FAM227B: variants seen among roughly 807,000 people sequenced by gnomAD.
FAM227B encodes the protein family with sequence similarity 227 member B.
Under a neutral mutation model 73.8 loss-of-function variants are expected in FAM227B, and 88 were observed. The ratio of observed to expected loss-of-function variants is 1.19; its 90% CI spans 1.00 to 1.42. The LOEUF (loss-of-function observed/expected upper bound fraction) is 1.42, where lower values mean the gene tolerates loss of function less well. Ranked by LOEUF, FAM227B falls within the 40% of genes most tolerant of loss-of-function variation. The pLI, the probability that FAM227B is intolerant of heterozygous loss-of-function variation, is 0.00. For synonymous variants in FAM227B, 210 were observed against 190.5 expected (o/e 1.10, Z -0.84); for missense variants, 632 against 590.9 (o/e 1.07, Z -0.72).
chr15:49,597,682 G>C (rs775767637), intron 3 of FAM227B, among the ~76,000 whole-genome samples: 6 of 151,886 alleles, frequency 4.0e-5, no homozygotes, highest in Admixed American at 1.3e-4. Flanking sequence ...CAAAAAGCTT[G>C]TTAAATTATT....
intron 11 of FAM227B, among the ~76,000 whole-genome samples, chr15:49,480,384 T>G (rs1366747805): frequency 2.6e-5 from 4 of 152,002 alleles, no homozygotes; most frequent in Admixed American, 6.6e-5. Context: ...CTCGGCTCAT[T>G]GCAACCTCTG....
intron 14 of FAM227B, among the ~76,000 whole-genome samples, chr15:49,333,095 A>G (rs1235697138): frequency 1.3e-5 from 2 of 152,096 alleles, no homozygotes. Flanking sequence ...ACTAAGTTAA[A>G]ATCACTCCCT....
chr15:49,577,761 T>C (rs760465406), intron 5 of FAM227B, 97 bp from the exon 6 acceptor site: 3 of 653,734 alleles, frequency 4.6e-6, no homozygotes, highest in Non-Finnish European at 7.8e-6. Flanking sequence ...TAGATAACTA[T>C]AGATATATGT....
At chr15:49,361,211 A>C (rs879755043) in intron 13 of FAM227B, among the ~76,000 whole-genome samples, 4 of 152,204 alleles carry the variant, frequency 2.6e-5, no homozygotes, top group Non-Finnish European at 5.9e-5. Context: ...AATTAATTTA[A>C]AAAACTTAAA....
chr15:49,489,435 C>T (rs1431736212), intron 11 of FAM227B: 16 of 927,894 alleles, frequency 1.7e-5, no homozygotes, highest in Non-Finnish European at 1.8e-5. Context: ...ATCTGGACTT[C>T]CTCTTAGCCT....
chr15:49,614,566 T>C (rs183169898), intron 2 of FAM227B, among the ~76,000 whole-genome samples: 56 of 152,312 alleles, frequency 3.7e-4, no homozygotes, highest in Non-Finnish European at 6.6e-4. Flanking sequence ...ATGTTTATGG[T>C]TTCTTTAAAT....
chr15:49,422,461 G>C, intron 11 of FAM227B: 6 of 1,160,116 alleles, frequency 5.2e-6, no homozygotes, highest in Non-Finnish European at 6.6e-6. Flanking sequence ...ATCAAACACT[G>C]ATAATCAATG....
chr15:49,585,169 A>G (rs1037299626), intron 5 of FAM227B, among the ~76,000 whole-genome samples: 1 of 152,126 alleles, frequency 6.6e-6, no homozygotes. Context: ...TAGAATGGCA[A>G]TCATTAAAAA....
chr15:49,508,553 CAT>C (rs2058748268), intron 10 of FAM227B, among the ~76,000 whole-genome samples: 1 of 151,884 alleles, frequency 6.6e-6, no homozygotes, highest in African/African-American at 2.4e-5. Flanking sequence ...ATGAGAATAA[CAT>C]AAATTATTTT....
chr15:49,455,702 G>A (rs2053220039), intron 11 of FAM227B, among the ~76,000 whole-genome samples: 1 of 152,132 alleles, frequency 6.6e-6, no homozygotes, highest in South Asian at 2.1e-4. Flanking sequence ...TGATTTTGGT[G>A]TTTTAAACAT....
intron 11 of FAM227B, among the ~76,000 whole-genome samples, chr15:49,402,120 G>C (rs1191275759): frequency 1.3e-5 from 2 of 152,046 alleles, no homozygotes; most frequent in Non-Finnish European, 2.9e-5. Flanking sequence ...AACCACCTCT[G>C]GTGACAAGTA....
At chr15:49,615,095 A>C (rs369581519) in intron 2 of FAM227B, 26 bp downstream of exon 2, 33 of 1,603,954 alleles carry the variant, frequency 2.1e-5, no homozygotes, top group Non-Finnish European at 2.8e-5. Context: ...TTGTAAGTGA[A>C]CATAAAGCTG....
intron 11 of FAM227B, among the ~76,000 whole-genome samples, chr15:49,439,272 G>C (rs2051399266): frequency 2.0e-5 from 3 of 151,276 alleles, no homozygotes; most frequent in Non-Finnish European, 4.4e-5. Flanking sequence ...GCAATGAGAG[G>C]GGTAGGAGAG....
chr15:49,607,765 G>T (rs2077615672), intron 3 of FAM227B, among the ~76,000 whole-genome samples: 2 of 151,406 alleles, frequency 1.3e-5, no homozygotes, highest in Admixed American at 1.3e-4. Context: ...TTAATATAAA[G>T]AAGGTGATTT....
At chr15:49,364,349 T>G (rs754666036) in intron 13 of FAM227B, among the ~76,000 whole-genome samples, 2 of 152,186 alleles carry the variant, frequency 1.3e-5, no homozygotes, top group South Asian at 4.1e-4. Context: ...TAGTAGGTTG[T>G]ATGTTCCAGG....
chr15:49,328,409 C>T lies in FAM227B; in HGVS notation c.*159G>A. ...GGACAGATCTTTTAAGAATAACTTACTGAGATTTATTGATTTGAAGATTTT... is the reference window on the plus strand; with the variant it reads ...GGACAGATCTTTTAAGAATAACTTATTGAGATTTATTGATTTGAAGATTTT... On this transcript the variant is annotated 3_prime_UTR_variant, in exon 16 of 16. Transcript: ENST00000299338. 7.0e-7 allele frequency: 1 copy of T among 1,431,210 alleles called. No homozygotes were observed. 88.7% of individuals were successfully genotyped at this position (1,431,210 alleles called of 1,614,324 possible).
chr15:49,355,545 G>C (rs1567137292), intron 13 of FAM227B, among the ~76,000 whole-genome samples: 1 of 152,096 alleles, frequency 6.6e-6, no homozygotes, highest in Non-Finnish European at 1.5e-5. Flanking sequence ...AGAGAAAAAA[G>C]AATAAAAAGA....
chr15:49,535,358 T>C (rs1435889295), intron 10 of FAM227B, among the ~76,000 whole-genome samples: 1 of 151,556 alleles, frequency 6.6e-6, no homozygotes, highest in Non-Finnish European at 1.5e-5. Flanking sequence ...ATGCAACCTA[T>C]TAATATTAAT....
At chr15:49,471,804 T>C (rs1380000823) in intron 11 of FAM227B, among the ~76,000 whole-genome samples, 1 of 152,014 alleles carries the variant, frequency 6.6e-6, no homozygotes, top group African/African-American at 2.4e-5. Flanking sequence ...AGTGGGGAGC[T>C]GTGGTCTTCC....
Sources: allele counts gnomAD v4.1 joint callset (sites outside exome capture counted in the v4.1 genomes callset), GRCh38; gene constraint gnomAD v4.1.1; transcripts MANE v1.5; gene names NCBI Gene and HGNC (gene_info 2026-07-23, HGNC 2026-07-21).